Variants in RCC1 observed in about 807,000 individuals in gnomAD.
RCC1 encodes the protein regulator of chromosome condensation 1.
Under a neutral mutation model 44.4 loss-of-function variants are expected in RCC1, and 11 were observed. The ratio of observed to expected loss-of-function variants is 0.25; its 90% CI spans 0.16 to 0.41. RCC1 has a LOEUF of 0.41. Ranked by LOEUF, RCC1 falls within the 10% of genes least tolerant of loss-of-function variation. RCC1 has a pLI of 1.00. For synonymous variants in RCC1, 213 were observed against 216.5 expected (o/e 0.98, Z 0.14); for missense variants, 386 against 547.1 (o/e 0.71, Z 2.94).
chr1:28,521,318 G>C lies in RCC1; in HGVS notation c.-10+4451G>C, dbSNP rs563291069. On this transcript the variant is annotated intron_variant, in intron 4 of 12. Coordinates refer to ENST00000683442, the MANE Select transcript of RCC1 (RefSeq NM_001381865.2). ...AGATCGAGACCATCCTGGCTAACAC[G>C]GTGAAACCCCGTCTCTACTAAAAAT... Among the ~76,000 whole-genome samples, 20 of 151,838 alleles carry C rather than the reference G, an allele frequency of 1.3e-4. No individual in the cohort carries two copies. In the South Asian group the frequency reaches 4.0e-3, roughly 30 times the overall value.
At chr1:28,530,570 C>A in intron 5 of RCC1, 3 of 1,606,552 alleles carry the variant, frequency 1.9e-6, no homozygotes, top group Non-Finnish European at 2.5e-6. Context: ...CCGCTCCTGC[C>A]AAGGTGCCTG....
At chr1:28,515,343 G>A (rs1255681677) in intron 3 of RCC1, among the ~76,000 whole-genome samples, 2 of 151,042 alleles carry the variant, frequency 1.3e-5, no homozygotes, top group African/African-American at 2.4e-5. Context: ...CCAGCTACTC[G>A]GGAGGCTGAG....
intron 5 of RCC1, among the ~76,000 whole-genome samples, chr1:28,531,588 T>A (rs1299481578): frequency 6.6e-6 from 1 of 151,990 alleles, no homozygotes; most frequent in Non-Finnish European, 1.5e-5. Flanking sequence ...CCCTTTCACG[T>A]GAATAATGTG....
chr1:28,516,809 T>C lies in RCC1; in HGVS notation c.-68T>C, dbSNP rs1319737999. 4.4e-6 allele frequency: 2 copies of C among 456,104 alleles called. No homozygotes were observed. Among genetic ancestry groups the C allele is most frequent in the Non-Finnish European group, 8.8e-6 (2 of 226,788 alleles). 28.3% of individuals were successfully genotyped at this position (456,104 alleles called of 1,614,324 possible). A position where few individuals can be genotyped will look rare whatever the true frequency, so the allele number is the denominator to read the frequency against. On this transcript the variant is annotated 5_prime_UTR_variant, in exon 4 of 13. Transcript: ENST00000683442. The stretch of plus-strand genomic sequence containing the variant: ...TCCCAGGGTTAAAAGTTGGAGAAAT[T>C]TCACAGTACATCATCCAAAAGAGGA...
At chr1:28,533,196 G>T (rs531529645) in intron 7 of RCC1, among the ~76,000 whole-genome samples, 10 of 152,250 alleles carry the variant, frequency 6.6e-5, no homozygotes, top group African/African-American at 2.4e-4. Context: ...ATTGGGCTGG[G>T]CGCGGTGGCT....
chr1:28,538,007 A>C lies in RCC1; in HGVS notation c.1266A>C (p.Ter422CysextTer1), dbSNP rs778276993. The change falls in exon 13 of 13, where the codon TGA (stop) becomes TGC (cysteine). Residue 422 changes from the stop codon to cysteine, a stop_lost. Coordinates refer to ENST00000683442, the MANE Select transcript of RCC1 (RefSeq NM_001381865.2). ...VLLVKDKEQS[*>C] ...TAGTCAAGGACAAAGAACAGAGCTG[A>C]TGAAGCCTCTGAGGGCCTGGCTTCT... is the stretch of plus-strand genomic sequence containing the variant. The C allele has an allele frequency of 6.2e-7, 1 of 1,612,530 alleles. No homozygotes were observed. Among genetic ancestry groups the C allele is most frequent in the East Asian group, 2.2e-5 (1 of 44,856 alleles).
chr1:28,538,501 A>G lies in RCC1; in HGVS notation c.*494A>G, dbSNP rs1664695375. ...ACCCACGCCCAGAGGAACGTGCAGA[A>G]AAAAGCAGAGCTACATGGCTGTGGG... On this transcript the variant is annotated 3_prime_UTR_variant, in exon 13 of 13. Transcript: ENST00000683442. The G allele has an allele frequency of 6.6e-6, 1 of 152,516 alleles. No individual in the cohort carries two copies. 9.4% of individuals were successfully genotyped at this position (152,516 alleles called of 1,614,324 possible). A position where few individuals can be genotyped will look rare whatever the true frequency, so the allele number is the denominator to read the frequency against.
At chr1:28,537,108 T>TA (rs769374821) in intron 12 of RCC1, among the ~76,000 whole-genome samples, 16 of 152,052 alleles carry the variant, frequency 1.1e-4, no homozygotes, top group Non-Finnish European at 2.2e-4. Context: ...GGTGACTTAT[T>TA]ATGCAGAGGA....
chr1:28,506,075 C>T lies in RCC1; in HGVS notation c.-271C>T, dbSNP rs539266427. 62 of 456,064 alleles carry T rather than the reference C, an allele frequency of 1.4e-4. No individual in the cohort carries two copies. Among genetic ancestry groups the T allele is most frequent in the South Asian group, 8.7e-4 (56 of 64,566 alleles). The allele number at this position is 456,064 out of a possible 1,614,324, so 28.3% of individuals were successfully genotyped here. On this transcript the variant is annotated 5_prime_UTR_variant, in exon 1 of 13. Coordinates refer to ENST00000683442, the MANE Select transcript of RCC1 (RefSeq NM_001381865.2). ...GGAGACAGATTCGCAGTGGTCGCTTCTTCTCCTTGGTAAGTGTGATCCTTG... is the reference window on the plus strand; with the variant it reads ...GGAGACAGATTCGCAGTGGTCGCTTTTTCTCCTTGGTAAGTGTGATCCTTG...
At chr1:28,510,924 A>T (rs2840761) in intron 3 of RCC1, 59,292 of 152,042 alleles carry the variant, frequency 0.39, 13,388 homozygotes, top group African/African-American at 0.62. Flanking sequence ...CAATCCATAT[A>T]CTCAGGTGGG....
At chr1:28,512,516 CTTTA>C (rs1662626473) in intron 3 of RCC1, among the ~76,000 whole-genome samples, 1 of 152,016 alleles carries the variant, frequency 6.6e-6, no homozygotes, top group African/African-American at 2.4e-5. Context: ...TTGTTTTTAT[CTTTA>C]TTATTTTCTT....
At chr1:28,531,660 A>G in intron 5 of RCC1, 143 bp from the exon 6 acceptor site, 1 of 557,776 alleles carries the variant, frequency 1.8e-6, no homozygotes, top group Non-Finnish European at 2.8e-6. Flanking sequence ...CCCATTTCAC[A>G]GATGACAAAA....
chr1:28,511,962 C>G lies in RCC1; in HGVS notation c.-153+3057C>G, dbSNP rs1445533395. On this transcript the variant is annotated intron_variant, in intron 3 of 12. Coordinates refer to ENST00000683442, the MANE Select transcript of RCC1 (RefSeq NM_001381865.2). ...TACAGGCGTAAGCCACTGCGCCTAG[C>G]CTCAAGCCTGATCCTTTTTTTTTTT... Among the ~76,000 whole-genome samples, 4 of 149,366 alleles carry G rather than the reference C, an allele frequency of 2.7e-5. No homozygotes were observed. In the East Asian group the frequency reaches 7.8e-4, roughly 29 times the overall value.
At chr1:28,521,282 A>G (rs906659341) in intron 4 of RCC1, among the ~76,000 whole-genome samples, 1 of 151,568 alleles carries the variant, frequency 6.6e-6, no homozygotes, top group Non-Finnish European at 1.5e-5. Context: ...TGGGTGGATC[A>G]TGAGGTCAGG....
At chr1:28,530,176 AC>A (rs1664040208) in intron 5 of RCC1, among the ~76,000 whole-genome samples, 1 of 142,128 alleles carries the variant, frequency 7.0e-6, no homozygotes, top group Non-Finnish European at 1.6e-5. Context: ...AAAAAAAAAA[AC>A]TAGACCCTAG....
Position 28,536,859 on chromosome 1 carries a change from G to T in RCC1, c.1050G>T (p.Val350=). The part of the protein sequence containing the change: ...LISRLPAVSS[V]ACGASVGYAV... Reference sequence around the variant, plus strand: ...CCAGGCTGCCTGCTGTCTCCTCGGTGGCTTGTGGGGCCTCTGTGGGGTATG... The same window carrying T: ...CCAGGCTGCCTGCTGTCTCCTCGGTTGCTTGTGGGGCCTCTGTGGGGTATG... The change falls in exon 12 of 13, where the codon GTG becomes GTT. Residue 350 remains valine (V), a synonymous_variant. Transcript: ENST00000683442. This position sits in a 1 kb window ranked among gnomAD's most constrained non-coding sequence, Gnocchi z 4.9. 1 of 1,614,164 alleles carries T rather than the reference G, an allele frequency of 6.2e-7. No homozygotes were observed. The highest frequency in any genetic ancestry group is 1.1e-5 in the South Asian group (1 of 91,080).
At chr1:28,514,638 A>G (rs550053297) in intron 3 of RCC1, among the ~76,000 whole-genome samples, 3 of 151,424 alleles carry the variant, frequency 2.0e-5, no homozygotes, top group East Asian at 2.0e-4. Context: ...GCACATGCCT[A>G]TAATCCCAGC....
At chr1:28,530,296 C>T (rs1290680120) in intron 5 of RCC1, among the ~76,000 whole-genome samples, 2 of 152,192 alleles carry the variant, frequency 1.3e-5, no homozygotes, top group African/African-American at 4.8e-5. Flanking sequence ...CACTTAATCC[C>T]GCAGTTTGGA....
In RCC1 at chr1:28,536,104, A is replaced by T; in HGVS notation, c.817+78A>T. 6.5e-7 allele frequency: 1 copy of T among 1,549,230 alleles called. No homozygotes were observed. The highest frequency in any genetic ancestry group is 8.7e-7 in the Non-Finnish European group (1 of 1,146,122). On this transcript the variant is annotated intron_variant, in intron 10 of 12. Transcript: ENST00000683442. The surrounding 1 kb of genome is among the most constrained non-coding windows in gnomAD (Gnocchi z 4.9). ...TGGCTCTGCCACTCATTCATTGTGC[A>T]TCCTTTGCGGGGTCGTCTAACCCCT...
Sources: allele counts gnomAD v4.1 joint callset (sites outside exome capture counted in the v4.1 genomes callset), GRCh38; gene constraint gnomAD v4.1.1; non-coding constraint Gnocchi (gnomAD v3.1); transcripts MANE v1.5; gene names NCBI Gene and HGNC (gene_info 2026-07-23, HGNC 2026-07-21).